Variants in NFX1 observed in about 807,000 individuals in gnomAD.
NFX1 encodes the protein nuclear transcription factor, X-box binding 1.
Under a neutral mutation model 137.2 loss-of-function variants are expected in NFX1, and 69 were observed. The ratio of observed to expected loss-of-function variants is 0.50; its 90% CI spans 0.41 to 0.61. The LOEUF is 0.61. Ranked by LOEUF, NFX1 falls within the 20% of genes least tolerant of loss-of-function variation. NFX1 has a pLI of 0.00. For synonymous variants in NFX1, 495 were observed against 474.1 expected, an observed-to-expected ratio of 1.04 and a Z score of -0.57; for missense variants, 1,167 against 1,391.0, an observed-to-expected ratio of 0.84 and a Z score of 2.56.
intron 2 of NFX1, among the ~76,000 whole-genome samples, chr9:33,299,464 C>G (rs953715230): frequency 6.6e-6 from 1 of 152,096 alleles, no homozygotes; most frequent in African/African-American, 2.4e-5. Flanking sequence ...TCAAGAGGAT[C>G]ACCTGAGCCC....
chr9:33,363,881 A>G (rs549362556), intron 19 of NFX1, 129 bp from the exon 20 acceptor site: 21 of 526,802 alleles, frequency 4.0e-5, no homozygotes, highest in African/African-American at 3.7e-4. Context: ...TTCTCTCCTT[A>G]ATAATCCAGT....
At chr9:33,324,100 C>T (rs1822489804) in intron 9 of NFX1, among the ~76,000 whole-genome samples, 1 of 152,104 alleles carries the variant, frequency 6.6e-6, no homozygotes, top group African/African-American at 2.4e-5. Context: ...AAACTTAGGC[C>T]AGGCACAGTG....
chr9:33,364,925 G>A, intron 21 of NFX1, 151 bp downstream of exon 21: 1 of 1,459,422 alleles, frequency 6.9e-7, no homozygotes, highest in Non-Finnish European at 9.0e-7. Flanking sequence ...TCAAAACACA[G>A]CCATTATAAC....
At position 33,319,056 on chromosome 9, in the gene NFX1, G is replaced by A. The variant is rs896690088; in HGVS notation, c.1835G>A (p.Arg612Gln). 6 of 1,614,076 alleles carry A rather than the reference G, an allele frequency of 3.7e-6. No homozygotes were observed. In the African/African-American group the frequency reaches 5.3e-5, roughly 14 times the overall value. Residue 612 changes from arginine to glutamine, a missense_variant, in exon 9 of 24, where the codon CGG (arginine) becomes CAG (glutamine). This residue lies in a region of NFX1 where 488 missense variants were observed against 691.5 expected (regional missense o/e 0.71). Coordinates refer to ENST00000379540, the MANE Select transcript of NFX1 (RefSeq NM_002504.6). ...TTGCTAGAACTTGGAAGTAGTAGTC[G>A]GAAAACATGCATGGACCCTGTGCCT... ...SQLLELGSSS[R>Q]KTCMDPVPSC...
At chr9:33,338,326 G>T (rs2118545699) in intron 11 of NFX1, among the ~76,000 whole-genome samples, 184 bp from the exon 12 acceptor site, 1 of 152,246 alleles carries the variant, frequency 6.6e-6, no homozygotes, top group Non-Finnish European at 1.5e-5. Flanking sequence ...CTGCACTCCA[G>T]CCTGGGCGAC....
intron 11 of NFX1, among the ~76,000 whole-genome samples, chr9:33,334,705 TC>T (rs2118513693): frequency 6.6e-6 from 1 of 152,336 alleles, no homozygotes; most frequent in African/African-American, 2.4e-5. Context: ...CACTAATATC[TC>T]AAAGACGTAT....
chr9:33,294,960 A>G lies in NFX1; in HGVS notation c.566A>G (p.Lys189Arg). 2 of 1,614,148 alleles carry G rather than the reference A, an allele frequency of 1.2e-6. No homozygotes were observed. The highest frequency in any genetic ancestry group is 1.7e-6 in the Non-Finnish European group (2 of 1,180,032). The part of the protein sequence containing the change: ...GRGPKVKGKL[K>R]CEWSNRTTPK... ...GGACCAAAAGTCAAGGGGAAACTCAAATGTGAATGGAGTAACCGAACAACT... is the reference window on the plus strand; with the variant it reads ...GGACCAAAAGTCAAGGGGAAACTCAGATGTGAATGGAGTAACCGAACAACT... The change falls in exon 2 of 24, where the codon AAA becomes AGA. Residue 189 changes from lysine to arginine, a missense_variant. Around this residue, in one of 3 missense-constraint regions of NFX1, gnomAD observed 367 missense variants for 386.7 expected, o/e 0.95. Transcript: ENST00000379540.
intron 4 of NFX1, among the ~76,000 whole-genome samples, chr9:33,304,253 C>A (rs12349432): frequency 0.047 from 7,087 of 152,218 alleles, 512 homozygotes; most frequent in African/African-American, 0.16. Context: ...CAGAGTGAGA[C>A]TCCATCTCAA....
chr9:33,329,592 C>G (rs1822725360), intron 10 of NFX1, among the ~76,000 whole-genome samples: 1 of 151,618 alleles, frequency 6.6e-6, no homozygotes, highest in African/African-American at 2.4e-5. Context: ...CACTGTACAT[C>G]TGTTTTGTCA....
intron 6 of NFX1, 94 bp downstream of exon 6, chr9:33,311,271 A>C: frequency 8.6e-7 from 1 of 1,162,628 alleles, no homozygotes; most frequent in Non-Finnish European, 1.3e-6. Flanking sequence ...AGGTAGATAC[A>C]AATAAATGGT....
intron 15 of NFX1, among the ~76,000 whole-genome samples, chr9:33,350,675 G>C (rs1388421590): frequency 6.6e-6 from 1 of 152,180 alleles, no homozygotes; most frequent in East Asian, 1.9e-4. Context: ...TTTCTTTTCA[G>C]ATAAATAGAG....
chr9:33,313,315 G>A (rs1356019867), intron 6 of NFX1, among the ~76,000 whole-genome samples: 2 of 151,984 alleles, frequency 1.3e-5, no homozygotes, highest in Non-Finnish European at 2.9e-5. Context: ...TGGGCCGGGC[G>A]TGGTGGCTCA....
intron 22 of NFX1, 89 bp downstream of exon 22, chr9:33,366,863 C>T (rs1246627526): frequency 7.0e-7 from 1 of 1,424,450 alleles, no homozygotes; most frequent in Non-Finnish European, 9.5e-7. Context: ...GTCTTTCTTA[C>T]TACCACTCTC....
chr9:33,361,457 T>C (rs966685738), intron 19 of NFX1, among the ~76,000 whole-genome samples: 3 of 152,066 alleles, frequency 2.0e-5, no homozygotes, highest in Non-Finnish European at 4.4e-5. Flanking sequence ...CAATTTTGAA[T>C]ATAATAATGG....
chr9:33,301,636 A>T (rs1262618831), intron 3 of NFX1, among the ~76,000 whole-genome samples: 1 of 152,260 alleles, frequency 6.6e-6, no homozygotes, highest in African/African-American at 2.4e-5. Context: ...ATTTTAAGAT[A>T]CGACAAAATC....
chr9:33,343,458 T>C lies in NFX1; in HGVS notation c.2224+604T>C, dbSNP rs1337131942. Among the ~76,000 whole-genome samples, 5 of 152,198 alleles carry C rather than the reference T, an allele frequency of 3.3e-5. No homozygotes were observed. In the South Asian group the frequency reaches 6.2e-4, roughly 19 times the overall value. On this transcript the variant is annotated intron_variant, in intron 13 of 23. Transcript: ENST00000379540. ...CTTCTGCATCCAGTCTGTCGTGATA[T>C]AGTTGAGGCATATGAAAAAAATCCA...
intron 11 of NFX1, 27 bp downstream of exon 11, chr9:33,332,529 A>G: frequency 6.6e-7 from 1 of 1,523,796 alleles, no homozygotes; most frequent in Non-Finnish European, 9.0e-7. Flanking sequence ...GCATGAGGGA[A>G]TTTCTGGGGT....
At chr9:33,368,528 A>G (rs1824235819) in intron 23 of NFX1, among the ~76,000 whole-genome samples, 1 of 152,194 alleles carries the variant, frequency 6.6e-6, no homozygotes, top group Admixed American at 6.5e-5. Flanking sequence ...ACTTTAGAGC[A>G]CTTGGTCATA....
intron 9 of NFX1, among the ~76,000 whole-genome samples, chr9:33,321,895 A>AT (rs61662167): frequency 3.3e-5 from 5 of 151,426 alleles, no homozygotes; most frequent in African/African-American, 1.2e-4. Flanking sequence ...AAAAAAAAAA[A>AT]TCAACCATTT....
Sources: gnomAD v4.1 joint callset for allele counts (sites outside exome capture counted in the v4.1 genomes callset) on GRCh38, gnomAD v4.1.1 for gene constraint, gnomAD v4.1.1 regional missense constraint, MANE v1.5 for transcripts, NCBI Gene and HGNC (gene_info 2026-07-23, HGNC 2026-07-21) for gene names.